BPIFC: variants seen among roughly 807,000 people sequenced by gnomAD.
BPIFC encodes the protein BPI fold containing family C, also known as BPI fold-containing family C protein.
BPIFC carries 60 observed loss-of-function variants against 57.6 expected under a neutral mutation model. The observed-to-expected ratio is 1.04, with a 90% confidence interval of 0.85 to 1.29. The LOEUF is 1.29. Ranked by LOEUF, BPIFC falls within the 50% of genes most tolerant of loss-of-function variation. BPIFC has a pLI of 0.00. For missense variants in BPIFC, 581 were observed against 600.5 expected (o/e 0.97, Z 0.34); for synonymous variants, 243 against 224.5 (o/e 1.08, Z -0.74).
intron 16 of BPIFC, among the ~76,000 whole-genome samples, chr22:32,415,492 G>A (rs1933647572): frequency 6.6e-6 from 1 of 152,182 alleles, no homozygotes; most frequent in African/African-American, 2.4e-5. Context: ...TTGGTTCAGG[G>A]GAAAGTCTTC....
intron 15 of BPIFC, among the ~76,000 whole-genome samples, chr22:32,416,501 A>C (rs1933682939): frequency 6.6e-6 from 1 of 152,236 alleles, no homozygotes; most frequent in Admixed American, 6.5e-5. Flanking sequence ...TTAATAAAAA[A>C]TGCACCTACA....
intron 13 of BPIFC, among the ~76,000 whole-genome samples, chr22:32,427,073 C>T (rs1419882251): frequency 6.6e-6 from 1 of 152,060 alleles, no homozygotes; most frequent in Non-Finnish European, 1.5e-5. Context: ...GGGCAACAGA[C>T]AACAAGCCAG....
intron 1 of BPIFC, among the ~76,000 whole-genome samples, chr22:32,463,161 G>A (rs984986709): frequency 2.1e-4 from 32 of 152,224 alleles, no homozygotes; most frequent in African/African-American, 7.5e-4. Flanking sequence ...GGTATGAAGG[G>A]GTGAATTGTA....
chr22:32,418,461 C>T (rs2145909360), intron 14 of BPIFC, among the ~76,000 whole-genome samples: 1 of 152,218 alleles, frequency 6.6e-6, no homozygotes, highest in South Asian at 2.1e-4. Flanking sequence ...TAGCAGCATC[C>T]CTGGCCTCTA....
At chr22:32,437,723 A>G (rs1262555674) in intron 9 of BPIFC, 37 bp downstream of exon 9, 1 of 1,439,780 alleles carries the variant, frequency 6.9e-7, no homozygotes, top group Non-Finnish European at 9.8e-7. Flanking sequence ...TTGGCTGTTG[A>G]CAGCCAGGCT....
At chr22:32,424,693 C>CTTCT (rs1475041890) in intron 13 of BPIFC, among the ~76,000 whole-genome samples, 56 of 29,288 alleles carry the variant, frequency 1.9e-3, no homozygotes, top group South Asian at 5.8e-3. Flanking sequence ...CTTCTTCTTC[C>CTTCT]TCTTCTTCTT....
intron 2 of BPIFC, among the ~76,000 whole-genome samples, chr22:32,458,499 C>G (rs1305043687): frequency 6.6e-6 from 1 of 152,132 alleles, no homozygotes; most frequent in African/African-American, 2.4e-5. Context: ...AGTGTAGTAT[C>G]CAGTTACTGA....
At chr22:32,460,283 C>G (rs568977999) in intron 2 of BPIFC, among the ~76,000 whole-genome samples, 1 of 152,166 alleles carries the variant, frequency 6.6e-6, no homozygotes, top group South Asian at 2.1e-4. Flanking sequence ...TAGGAAAACC[C>G]CACACCAGTG....
chr22:32,457,013 G>C (rs1049215968), intron 3 of BPIFC, among the ~76,000 whole-genome samples: 3 of 152,152 alleles, frequency 2.0e-5, no homozygotes, highest in African/African-American at 7.2e-5. Flanking sequence ...TTCATTATGT[G>C]TATATATGGG....
At chr22:32,459,851 A>AAAATG (rs983388716) in intron 2 of BPIFC, among the ~76,000 whole-genome samples, 2 of 71,822 alleles carry the variant, frequency 2.8e-5, no homozygotes, top group Non-Finnish European at 5.3e-5. Flanking sequence ...ATCCTGTCTC[A>AAAATG]AAATAAAATA....
rs529766754 is a variant in BPIFC at position 32,442,590 on chromosome 22, G to A, written c.655+81C>T. On this transcript the variant is annotated intron_variant, in intron 8 of 16. Coordinates refer to ENST00000300399, the MANE Select transcript of BPIFC (RefSeq NM_174932.3). ...CAGGATGGATAGCTCAAGCTATACC[G>A]CCTTGAAAAGCAAACCCAGGCAGTA... 105 of 1,364,488 alleles carry A rather than the reference G, an allele frequency of 7.7e-5. 1 individual carries two copies. Among genetic ancestry groups the A allele is most frequent in the East Asian group, 3.9e-4 (17 of 43,544 alleles). 84.5% of individuals were successfully genotyped at this position (1,364,488 alleles called of 1,614,324 possible).
At chr22:32,437,505 C>G (rs187497322) in intron 9 of BPIFC, among the ~76,000 whole-genome samples, 1 of 152,122 alleles carries the variant, frequency 6.6e-6, no homozygotes, top group African/African-American at 2.4e-5. Flanking sequence ...ATTCTCCTGC[C>G]TCAGCTTCCC....
In BPIFC at chr22:32,445,713, G is replaced by GAAAAAAAAGAA. The variant is rs1934705233; in HGVS notation, c.531-16_531-15insTTCTTTTTTTT. On this transcript the variant is annotated splice_polypyrimidine_tract_variant and intron_variant, in intron 6 of 16. Transcript: ENST00000300399. ...TATACAGAACACTGAGGAAAAAAATGAAAAAAAAAAAAAAAAAAAAAAGAG... is the reference window on the plus strand; with the variant it reads ...TATACAGAACACTGAGGAAAAAAATGAAAAAAAAGAAAAAAAAAAAAAAAAAAAAAAAAGAG... 1 of 619,518 alleles carries GAAAAAAAAGAA rather than the reference G, an allele frequency of 1.6e-6. No individual in the cohort carries two copies. Among genetic ancestry groups the GAAAAAAAAGAA allele is most frequent in the Non-Finnish European group, 2.2e-6 (1 of 459,620 alleles). 38.4% of individuals were successfully genotyped at this position (619,518 alleles called of 1,614,324 possible).
chr22:32,423,461 G>A (rs1933904589), intron 13 of BPIFC, among the ~76,000 whole-genome samples: 1 of 152,028 alleles, frequency 6.6e-6, no homozygotes, highest in South Asian at 2.1e-4. Context: ...TCCATCATTG[G>A]GAATTGTTTA....
At position 32,414,298 on chromosome 22, in the gene BPIFC, G is replaced by C. The variant is rs746592459; in HGVS notation, c.*5C>G. On this transcript the variant is annotated 3_prime_UTR_variant, in exon 17 of 17. Coordinates refer to ENST00000300399, the MANE Select transcript of BPIFC (RefSeq NM_174932.3). ...TACTTCCTGGGGTGAATTGCAAACC[G>C]GCAATCAAGGGGCTGACTTCCCCCT... 5.6e-6 allele frequency: 9 copies of C among 1,612,278 alleles called. No homozygotes were observed. The highest frequency in any genetic ancestry group is 7.6e-6 in the Non-Finnish European group (9 of 1,179,260).
At chr22:32,418,589 A>C (rs959852646) in intron 14 of BPIFC, among the ~76,000 whole-genome samples, 6 of 152,184 alleles carry the variant, frequency 3.9e-5, no homozygotes, top group Non-Finnish European at 7.3e-5. Context: ...ACTGCTTTAG[A>C]ATGTAAGCGC....
chr22:32,445,096 TC>T (rs1350259977), intron 7 of BPIFC, among the ~76,000 whole-genome samples: 3 of 152,216 alleles, frequency 2.0e-5, no homozygotes, highest in East Asian at 3.8e-4. Flanking sequence ...TATCTCTGCA[TC>T]CCAAGCACCT....
intron 8 of BPIFC, among the ~76,000 whole-genome samples, chr22:32,439,597 C>T (rs1288320449): frequency 1.3e-5 from 2 of 148,406 alleles, no homozygotes; most frequent in African/African-American, 5.1e-5. Context: ...CCTAAGCCAC[C>T]ATAGTTTTTA....
At position 32,432,446 on chromosome 22, in the gene BPIFC, T is replaced by A. The variant is rs756312151; in HGVS notation, c.1076A>T (p.Asp359Val). ...GAGCATCATGATGGAGGCAGGGATG[T>A]CCAGGGTGAAATTGCCTGGTTGTAG... The part of the protein sequence containing the change: ...INLQPGNFTL[D>V]IPASIMMLTQ... Residue 359 changes from aspartate to valine, a missense_variant, in exon 12 of 17, where the codon GAC (aspartate) becomes GTC (valine). Physicochemically the swap from Asp to Val is radical, Grantham distance 152. Transcript: ENST00000300399. 4 of 1,614,106 alleles carry A rather than the reference T, an allele frequency of 2.5e-6. No individual in the cohort carries two copies. The East Asian group carries it at 8.9e-5, about 36-fold the overall frequency.
Sources: allele counts gnomAD v4.1 joint callset (sites outside exome capture counted in the v4.1 genomes callset), GRCh38; gene constraint gnomAD v4.1.1; transcripts MANE v1.5; gene names NCBI Gene and HGNC (gene_info 2026-07-23, HGNC 2026-07-21).